The following TPR variants were observed in gnomAD, a reference collection of about 807,000 sequenced individuals.
TPR encodes the protein translocated promoter region, nuclear basket protein.
TPR carries 51 observed loss-of-function variants against 316.1 expected under a neutral mutation model. That is an observed-to-expected ratio of 0.16 (90% CI 0.13 to 0.20). The LOEUF is 0.20. Ranked by LOEUF, TPR falls within the 10% of genes least tolerant of loss-of-function variation. The pLI is 1.00. For missense variants in TPR, 2,272 were observed against 2,754.8 expected, an observed-to-expected ratio of 0.82 and a Z score of 3.92; for synonymous variants, 981 against 914.7, an observed-to-expected ratio of 1.07 and a Z score of -1.31.
At chr1:186,364,886 C>T (rs1047440681) in intron 4 of TPR, among the ~76,000 whole-genome samples, 16 of 152,082 alleles carry the variant, frequency 1.1e-4, no homozygotes, top group African/African-American at 3.1e-4. Context: ...CTAACTCTAC[C>T]GTACTGAGCA....
At chr1:186,352,198 C>A (rs1430133150) in intron 18 of TPR, 88 bp from the exon 19 acceptor site, 1 of 1,285,960 alleles carries the variant, frequency 7.8e-7, no homozygotes, top group African/African-American at 1.5e-5. Flanking sequence ...ATTCATACAT[C>A]ACTACTTTTT....
At position 186,358,569 on chromosome 1, in the gene TPR, T is replaced by C. The variant is rs898292401; in HGVS notation, c.1471A>G (p.Ile491Val). ...VLERDNRRME[I>V]QVKDLSQQIR... The stretch of plus-strand genomic sequence containing the variant: ...TGTTGTGAAAGATCTTTTACTTGTA[T>C]TTCCATTCTTCGATTATCTCTCTCA... The change falls in exon 13 of 51, where the codon ATA becomes GTA. Residue 491 changes from isoleucine (I) to valine (V), a missense_variant. Ile to Val is a conservative substitution (Grantham distance 29, BLOSUM62 3). This residue lies in a region of TPR where 549 missense variants were observed against 598.6 expected (regional missense o/e 0.92). Transcript: ENST00000367478. 1.1e-5 allele frequency: 18 copies of C among 1,610,970 alleles called. No homozygotes were observed. Among genetic ancestry groups the C allele is most frequent in the Non-Finnish European group, 1.5e-5 (18 of 1,178,910 alleles).
chr1:186,318,364 C>A, intron 48 of TPR, 83 bp downstream of exon 48: 1 of 1,482,974 alleles, frequency 6.7e-7, no homozygotes, highest in Non-Finnish European at 9.0e-7. Context: ...CACAACTTTG[C>A]AGATTGTTTC....
At position 186,316,627 on chromosome 1, in the gene TPR, C is replaced by A. The variant is rs115792740; in HGVS notation, c.6940+855G>T. On this transcript the variant is annotated intron_variant, in intron 49 of 50. Transcript: ENST00000367478. ...TGTCTAAAAATTTGAGATAGATGAG[C>A]TAGTATAGTGTATTGTTCAAGAGTG... Among the ~76,000 whole-genome samples, 1,137 of 152,254 alleles carry A rather than the reference C, an allele frequency of 7.5e-3. 19 individuals carry two copies. The highest frequency in any genetic ancestry group is 0.025 in the African/African-American group (1,031 of 41,538).
intron 46 of TPR, 54 bp from the exon 47 acceptor site, chr1:186,318,882 A>G: frequency 6.5e-7 from 1 of 1,542,812 alleles, no homozygotes; most frequent in Non-Finnish European, 8.9e-7. Flanking sequence ...AAAATTATCA[A>G]CAAGTCAGGG....
rs771419944 is a variant in TPR at position 186,318,824 on chromosome 1, T to C, written c.6573A>G (p.Leu2191=). The C allele has an allele frequency of 6.2e-7, 1 of 1,613,836 alleles. No homozygotes were observed. Among genetic ancestry groups the C allele is most frequent in the Non-Finnish European group, 8.5e-7 (1 of 1,179,922 alleles). The part of the protein sequence containing the change: ...DLGQLASQGG[L]GMYETPLFLA... ...GGAACAGGGGTGTTTCATACATTCC[T>C]AAACCTAAAGACAATTCTGAATATT... Residue 2191 remains leucine, a synonymous_variant, in exon 47 of 51, where the codon TTA becomes TTG. Coordinates refer to ENST00000367478, the MANE Select transcript of TPR (RefSeq NM_003292.3).
At chr1:186,352,235 C>T in intron 18 of TPR, 125 bp from the exon 19 acceptor site, 1 of 816,672 alleles carries the variant, frequency 1.2e-6, no homozygotes, top group Non-Finnish European at 1.7e-6. Flanking sequence ...ACTATATCTC[C>T]TCATTGTATA....
chr1:186,371,676 C>T (rs1293319819), intron 2 of TPR, among the ~76,000 whole-genome samples: 1 of 152,036 alleles, frequency 6.6e-6, no homozygotes, highest in Non-Finnish European at 1.5e-5. Context: ...CTGTATTTCA[C>T]TAAAATACAT....
chr1:186,354,436 TCA>T (rs1298872981), intron 17 of TPR, among the ~76,000 whole-genome samples: 2 of 152,222 alleles, frequency 1.3e-5, no homozygotes, highest in Non-Finnish European at 2.9e-5. Context: ...TCTATAATCC[TCA>T]GTTTTATTTT....
At position 186,351,486 on chromosome 1, in the gene TPR, G is replaced by T. The variant is rs774801228; in HGVS notation, c.2470-16C>A. 2 of 1,541,402 alleles carry T rather than the reference G, an allele frequency of 1.3e-6. No homozygotes were observed. Among genetic ancestry groups the T allele is most frequent in the African/African-American group, 1.4e-5 (1 of 71,230 alleles). On this transcript the variant is annotated splice_polypyrimidine_tract_variant and intron_variant, in intron 19 of 50. Coordinates refer to ENST00000367478, the MANE Select transcript of TPR (RefSeq NM_003292.3). Reference sequence around the variant, plus strand: ...CCAGTATTCCCTAAAGCAAAGAAAAGATTTTTGGTTATGCTTAAGAAAAAG... The same window carrying T: ...CCAGTATTCCCTAAAGCAAAGAAAATATTTTTGGTTATGCTTAAGAAAAAG...
intron 9 of TPR, among the ~76,000 whole-genome samples, chr1:186,361,155 T>C (rs1659174322): frequency 2.0e-5 from 3 of 152,062 alleles, no homozygotes; most frequent in Admixed American, 2.0e-4. Context: ...AAAGTGGTTC[T>C]AGGTATATCT....
chr1:186,325,973 AAACAAAACAAATG>A (rs1657919916), intron 41 of TPR, 118 bp downstream of exon 41: 14 of 1,558,368 alleles, frequency 9.0e-6, no homozygotes, highest in Non-Finnish European at 1.2e-5. Context: ...TAACAACAAA[AAACAAAACAAATG>A]AACAAAACAA....
At chr1:186,324,246 TAATAA>T (rs150625997) in intron 42 of TPR, among the ~76,000 whole-genome samples, 28,376 of 151,890 alleles carry the variant, frequency 0.19, 2,980 homozygotes, top group African/African-American at 0.29. Context: ...AGTAAACATT[TAATAA>T]AATAAAATAA....
chr1:186,353,606 A>G, intron 18 of TPR, 82 bp downstream of exon 18: 2 of 1,480,904 alleles, frequency 1.4e-6, no homozygotes, highest in South Asian at 2.6e-5. Context: ...AAGTCCTATC[A>G]GTGAGTAAAA....
At chr1:186,353,358 T>C (rs1191985813) in intron 18 of TPR, among the ~76,000 whole-genome samples, 11 of 149,094 alleles carry the variant, frequency 7.4e-5, no homozygotes, top group Admixed American at 6.1e-4. Flanking sequence ...GGCGACAGAG[T>C]GAGACTCTGT....
chr1:186,357,682 T>TCC, intron 13 of TPR, 59 bp from the exon 14 acceptor site: 1 of 1,458,578 alleles, frequency 6.9e-7, no homozygotes, highest in Non-Finnish European at 9.3e-7. Flanking sequence ...TGGACAAGTT[T>TCC]AGAATGAAAG....
At chr1:186,342,176 T>C (rs1011530854) in intron 27 of TPR, 2 of 152,362 alleles carry the variant, frequency 1.3e-5, no homozygotes, top group African/African-American at 4.8e-5. Flanking sequence ...GGTTTCACCG[T>C]GTTAGCCAGG....
intron 39 of TPR, among the ~76,000 whole-genome samples, chr1:186,331,280 G>A (rs1322720123): frequency 3.3e-5 from 5 of 151,714 alleles, no homozygotes; most frequent in Non-Finnish European, 7.4e-5. Context: ...TGCTATATAT[G>A]AACAAAAACA....
chr1:186,323,096 C>T (rs541701683), intron 43 of TPR, among the ~76,000 whole-genome samples: 43 of 152,218 alleles, frequency 2.8e-4, no homozygotes, highest in African/African-American at 1.0e-3. Flanking sequence ...ACAGTGTTTA[C>T]ACATACTATT....
Sources: gnomAD v4.1 joint callset for allele counts (sites outside exome capture counted in the v4.1 genomes callset) on GRCh38, gnomAD v4.1.1 for gene constraint, gnomAD v4.1.1 regional missense constraint, MANE v1.5 for transcripts, NCBI Gene and HGNC (gene_info 2026-07-23, HGNC 2026-07-21) for gene names.